Variants in EXTL1 observed in about 807,000 individuals in gnomAD.
The protein encoded by EXTL1 is exostosin like glycosyltransferase 1.
In EXTL1, 43 loss-of-function variants were observed where a neutral mutation model predicts 64.6. The observed-to-expected ratio is 0.67, with a 90% CI of 0.52 to 0.86. The LOEUF is 0.86. EXTL1 is among the 40% of genes least tolerant of loss of function. The pLI is 0.00. For missense variants in EXTL1, 766 were observed against 879.0 expected (o/e 0.87, Z 1.62); for synonymous variants, 352 against 360.5 (o/e 0.98, Z 0.27).
In EXTL1 at chr1:26,035,170, T is replaced by C. The variant is rs747023302; in HGVS notation, c.1854T>C (p.Pro618=). The C allele has an allele frequency of 1.2e-6, 2 of 1,601,704 alleles. No homozygotes were observed. Among genetic ancestry groups the C allele is most frequent in the Admixed American group, 3.5e-5 (2 of 57,908 alleles). The part of the protein sequence containing the change: ...KQRQEAAPLA[P]GGPGPRPKPP... ...ATTGCTTCTTTCCCTCTTAGGCGCC[T>C]GGGGGCCCGGGGCCCAGGCCAAAGC... is the stretch of plus-strand genomic sequence containing the variant. Residue 618 remains proline (P), a synonymous_variant, in exon 11 of 11, where the codon CCT becomes CCC. Coordinates refer to ENST00000374280, the MANE Select transcript of EXTL1 (RefSeq NM_004455.3). The surrounding 1 kb of genome is among the most constrained non-coding windows in gnomAD (Gnocchi z 5.3).
intron 1 of EXTL1, 45 bp from the exon 2 acceptor site, chr1:26,029,148 T>C: frequency 6.9e-7 from 1 of 1,454,466 alleles, no homozygotes; most frequent in Non-Finnish European, 9.6e-7. Flanking sequence ...CGAAGGTCAC[T>C]GTCCAGGCTC....
chr1:26,032,348 C>A, intron 6 of EXTL1, 48 bp from the exon 7 acceptor site: 2 of 1,367,534 alleles, frequency 1.5e-6, no homozygotes, highest in Non-Finnish European at 1.0e-6. Context: ...TCGCAACCCG[C>A]CTTCTGCCCC....
At position 26,031,457 on chromosome 1, in the gene EXTL1, C is replaced by A; in HGVS notation, c.1235-3C>A. 1 of 1,546,986 alleles carries A rather than the reference C, an allele frequency of 6.5e-7. No individual in the cohort carries two copies. The highest frequency in any genetic ancestry group is 8.8e-7 in the Non-Finnish European group (1 of 1,139,552). On this transcript the variant is annotated splice_region_variant and splice_polypyrimidine_tract_variant and intron_variant, in intron 5 of 10. Coordinates refer to ENST00000374280, the MANE Select transcript of EXTL1 (RefSeq NM_004455.3). Reference sequence around the variant, plus strand: ...TCTAATAGCCTGTGTCTCATTCCCCCAGGCTCCCGCCCTGAGGGCAGATTC... The same window carrying A: ...TCTAATAGCCTGTGTCTCATTCCCCAAGGCTCCCGCCCTGAGGGCAGATTC...
rs758932729 is a variant in EXTL1 at position 26,023,159 on chromosome 1, G to T, written c.513G>T (p.Arg171Ser). 9.3e-6 allele frequency: 15 copies of T among 1,613,970 alleles called. No homozygotes were observed. The highest frequency in any genetic ancestry group is 1.3e-5 in the Non-Finnish European group (15 of 1,180,036). ...VLRLHPAPCPRTFQLGQAMVA... is the reference protein window; with the variant it reads ...VLRLHPAPCPSTFQLGQAMVA... ...GTCTCCACCCGGCTCCCTGCCCCAG[G>T]ACCTTCCAGCTGGGACAGGCTATGG... The change falls in exon 1 of 11, where the codon AGG becomes AGT. Residue 171 changes from arginine (R) to serine (S), a missense_variant. Transcript: ENST00000374280.
In EXTL1 at chr1:26,025,099, C is replaced by T. The variant is rs1313503398; in HGVS notation, c.779+1674C>T. Reference sequence around the variant, plus strand: ...TTCAAGTTTTGTCTTTGGCCTCCGCCTCCCTGAAGGTGACAGGACTTGTCA... The same window carrying T: ...TTCAAGTTTTGTCTTTGGCCTCCGCTTCCCTGAAGGTGACAGGACTTGTCA... On this transcript the variant is annotated intron_variant, in intron 1 of 10. Transcript: ENST00000374280. This position sits in a 1 kb window ranked among gnomAD's most constrained non-coding sequence, Gnocchi z 5.3. 6.6e-6 allele frequency among the ~76,000 whole-genome samples: 1 copy of T among 152,232 alleles called. No individual in the cohort carries two copies. The highest frequency in any genetic ancestry group is 2.4e-5 in the African/African-American group (1 of 41,462).
chr1:26,030,209 A>G (rs1041281736), intron 3 of EXTL1, among the ~76,000 whole-genome samples: 2 of 152,108 alleles, frequency 1.3e-5, no homozygotes, highest in Non-Finnish European at 2.9e-5. Flanking sequence ...CATTTTTTTA[A>G]TTGAGCCTCT....
rs544797320 is a variant in EXTL1 at position 26,025,650 on chromosome 1, G to A, written c.779+2225G>A. On this transcript the variant is annotated intron_variant, in intron 1 of 10. Coordinates refer to ENST00000374280, the MANE Select transcript of EXTL1 (RefSeq NM_004455.3). The surrounding 1 kb of genome is among the most constrained non-coding windows in gnomAD (Gnocchi z 5.3). ...CAAATTGTTATTTATTCATTTTTATGAATAGGTAATTCATTCACATGGTAC... is the reference window on the plus strand; with the variant it reads ...CAAATTGTTATTTATTCATTTTTATAAATAGGTAATTCATTCACATGGTAC... Among the ~76,000 whole-genome samples the A allele has an allele frequency of 3.3e-5, 5 of 152,236 alleles. No individual in the cohort carries two copies. The highest frequency in any genetic ancestry group is 3.4e-3 in the Middle Eastern group (1 of 294).
chr1:26,033,173 G>C lies in EXTL1; in HGVS notation c.1432-56G>C, dbSNP rs1021115528. 4 of 1,265,356 alleles carry C rather than the reference G, an allele frequency of 3.2e-6. No individual in the cohort carries two copies. Among genetic ancestry groups the C allele is most frequent in the Admixed American group, 3.4e-5 (2 of 59,346 alleles). 78.4% of individuals were successfully genotyped at this position (1,265,356 alleles called of 1,614,324 possible). On this transcript the variant is annotated intron_variant, in intron 7 of 10. Transcript: ENST00000374280. This position sits in a 1 kb window ranked among gnomAD's most constrained non-coding sequence, Gnocchi z 5.1. ...GTGCCTGAATGGCTCCTACTTATTGGATGGGGGTGGGGGGAATGTTCCAAT... is the reference window on the plus strand; with the variant it reads ...GTGCCTGAATGGCTCCTACTTATTGCATGGGGGTGGGGGGAATGTTCCAAT...
In EXTL1 at chr1:26,033,779, C is replaced by G; in HGVS notation, c.1602C>G (p.Ala534=). ...FLTSSHFWDE[A]HGGWGYTAER... ...CGTCGAGCCATTTCTGGGACGAGGC[C>G]CATGGTGGCTGGGGCTACACTGCTG... Residue 534 remains alanine (A), a synonymous_variant, in exon 9 of 11, where the codon GCC becomes GCG. Transcript: ENST00000374280. This position sits in a 1 kb window ranked among gnomAD's most constrained non-coding sequence, Gnocchi z 5.1. The G allele has an allele frequency of 1.2e-6, 2 of 1,614,138 alleles. No homozygotes were observed. Among genetic ancestry groups the G allele is most frequent in the Admixed American group, 3.3e-5 (2 of 60,024 alleles).
intron 5 of EXTL1, 50 bp downstream of exon 5, chr1:26,031,314 G>C: frequency 6.3e-7 from 1 of 1,596,100 alleles, no homozygotes; most frequent in Non-Finnish European, 8.5e-7. Context: ...TCTACCCAGG[G>C]CTGCCCCAGC....
chr1:26,031,664 T>C, intron 6 of EXTL1, 98 bp downstream of exon 6: 1 of 599,956 alleles, frequency 1.7e-6, no homozygotes, highest in Non-Finnish European at 2.6e-6. Flanking sequence ...TGACCACTAT[T>C]TGAGGGGAGG....
chr1:26,033,299 G>T lies in EXTL1; in HGVS notation c.1502G>T (p.Ser501Ile). ...ATCCTCAGCCTCGATGCCCGCAGCA[G>T]TCTTTCCACAAGTGAGGTGAGGGCT... is the stretch of plus-strand genomic sequence containing the variant. ...DAILSLDARS[S>I]LSTSEVDFAF... The change falls in exon 8 of 11, where the codon AGT (serine) becomes ATT (isoleucine). Residue 501 changes from serine (S) to isoleucine (I), a missense_variant. Around this residue, in one of 3 missense-constraint regions of EXTL1, gnomAD observed 571 missense variants for 647.6 expected, o/e 0.88. Transcript: ENST00000374280. This position sits in a 1 kb window ranked among gnomAD's most constrained non-coding sequence, Gnocchi z 5.1. 1 of 1,614,016 alleles carries T rather than the reference G, an allele frequency of 6.2e-7. No individual in the cohort carries two copies. The highest frequency in any genetic ancestry group is 1.3e-5 in the African/African-American group (1 of 75,034).
intron 3 of EXTL1, among the ~76,000 whole-genome samples, 170 bp downstream of exon 3, chr1:26,029,877 G>A (rs2050263511): frequency 6.6e-6 from 1 of 152,220 alleles, no homozygotes; most frequent in Non-Finnish European, 1.5e-5. Context: ...AGGATCTGAT[G>A]GAGCTAGAGA....
In EXTL1 at chr1:26,033,207, T is replaced by G. The variant is rs377667708; in HGVS notation, c.1432-22T>G. ...GGGGGGAATGTTCCAATGGCTGAGT[T>G]CCCCTCCCCCACTCCCTGCAGGTTA... On this transcript the variant is annotated intron_variant, in intron 7 of 10. Coordinates refer to ENST00000374280, the MANE Select transcript of EXTL1 (RefSeq NM_004455.3). This position sits in a 1 kb window ranked among gnomAD's most constrained non-coding sequence, Gnocchi z 5.1. 9 of 1,558,838 alleles carry G rather than the reference T, an allele frequency of 5.8e-6. No individual in the cohort carries two copies. The African/African-American group carries it at 1.2e-4, about 21-fold the overall frequency.
intron 1 of EXTL1, 39 bp downstream of exon 1, chr1:26,023,464 G>A: frequency 1.4e-6 from 2 of 1,421,298 alleles, no homozygotes; most frequent in African/African-American, 1.5e-5. Context: ...GATGGGAGGG[G>A]GCTGGAATAG....
Position 26,025,189 on chromosome 1 carries a change from T to G in EXTL1, c.779+1764T>G, listed in dbSNP as rs1412459096. Among the ~76,000 whole-genome samples, 1 of 152,120 alleles carries G rather than the reference T, an allele frequency of 6.6e-6. No individual in the cohort carries two copies. Among genetic ancestry groups the G allele is most frequent in the African/African-American group, 2.4e-5 (1 of 41,426 alleles). ...GGGCAGCTGCCTGGGCCAGACAGCC[T>G]AGGGACAGAGTGAGAGAGATAGCCT... On this transcript the variant is annotated intron_variant, in intron 1 of 10. Coordinates refer to ENST00000374280, the MANE Select transcript of EXTL1 (RefSeq NM_004455.3). The surrounding 1 kb of genome is among the most constrained non-coding windows in gnomAD (Gnocchi z 5.3).
At position 26,031,231 on chromosome 1, in the gene EXTL1, C is replaced by T; in HGVS notation, c.1201C>T (p.Pro401Ser). The T allele has an allele frequency of 6.2e-7, 1 of 1,614,012 alleles. No individual in the cohort carries two copies. The part of the protein sequence containing the change: ...LLALSTFSTS[P>S]QDFPFYYLQQ... Reference sequence around the variant, plus strand: ...GGCCCTGTCTACTTTTTCCACAAGCCCCCAGGACTTCCCCTTCTACTACCT... The same window carrying T: ...GGCCCTGTCTACTTTTTCCACAAGCTCCCAGGACTTCCCCTTCTACTACCT... The change falls in exon 5 of 11, where the codon CCC becomes TCC. Residue 401 changes from proline to serine, a missense_variant. This residue lies in a region of EXTL1 where 571 missense variants were observed against 647.6 expected (regional missense o/e 0.88). Transcript: ENST00000374280.
At chr1:26,031,071 G>A in intron 4 of EXTL1, 61 bp from the exon 5 acceptor site, 1 of 1,608,084 alleles carries the variant, frequency 6.2e-7, no homozygotes, top group Non-Finnish European at 8.5e-7. Flanking sequence ...GAGCCTGGAA[G>A]GGGAGGTGTG....
In EXTL1 at chr1:26,034,850, T is replaced by C; in HGVS notation, c.1694T>C (p.Leu565Pro). 6.2e-7 allele frequency: 1 copy of C among 1,613,970 alleles called. No homozygotes were observed. Residue 565 changes from leucine (L) to proline (P), a missense_variant, in exon 10 of 11, where the codon CTC becomes CCC. Physicochemically the swap from Leu to Pro is moderately conservative, Grantham distance 98. Transcript: ENST00000374280. This position sits in a 1 kb window ranked among gnomAD's most constrained non-coding sequence, Gnocchi z 4.6. ...CTCTTGCCCAGGTATTACCACACTCTCTTCACCCACTCCCTGCCCAAGGCT... is the reference window on the plus strand; with the variant it reads ...CTCTTGCCCAGGTATTACCACACTCCCTTCACCCACTCCCTGCCCAAGGCT... Reference protein sequence around the residue: ...AAFYHRYYHTLFTHSLPKALR... With the variant: ...AAFYHRYYHTPFTHSLPKALR...
Sources: gnomAD v4.1 joint callset for allele counts (sites outside exome capture counted in the v4.1 genomes callset) on GRCh38, gnomAD v4.1.1 for gene constraint, gnomAD v4.1.1 regional missense constraint, Gnocchi (gnomAD v3.1) non-coding constraint, MANE v1.5 for transcripts, NCBI Gene and HGNC (gene_info 2026-07-23, HGNC 2026-07-21) for gene names.